Variants in CAMK1D observed in about 807,000 individuals in gnomAD.
CAMK1D encodes calcium/calmodulin dependent protein kinase ID, also known as calcium/calmodulin-dependent protein kinase type 1D.
A neutral mutation model predicts 47.7 loss-of-function variants in CAMK1D; 9 were observed. The observed-to-expected ratio is 0.19, with a 90% CI of 0.11 to 0.33. The LOEUF is 0.33. Among genes scored for constraint, CAMK1D ranks in the 10% least tolerant of loss-of-function variants. The probability of loss-of-function intolerance (pLI) is 1.00; values close to 1 mark genes in which losing one functional copy is unlikely to be tolerated. For synonymous variants in CAMK1D, 184 were observed against 184.9 expected (o/e 0.99, Z 0.04); for missense variants, 291 against 488.7 (o/e 0.60, Z 3.81).
chr10:12,561,807 A>G (rs1836952337), intron 2 of CAMK1D, among the ~76,000 whole-genome samples: 1 of 152,260 alleles, frequency 6.6e-6, no homozygotes, highest in African/African-American at 2.4e-5. Context: ...GAGATCCAGA[A>G]TCAATGCATT....
intron 1 of CAMK1D, among the ~76,000 whole-genome samples, chr10:12,381,267 C>T (rs370291344): frequency 1.3e-5 from 2 of 152,048 alleles, no homozygotes; most frequent in East Asian, 3.8e-4. Flanking sequence ...GTGATTGCTT[C>T]TGAATCCTGC....
At chr10:12,695,913 C>T (rs1448629578) in intron 3 of CAMK1D, among the ~76,000 whole-genome samples, 3 of 151,972 alleles carry the variant, frequency 2.0e-5, no homozygotes, top group African/African-American at 7.3e-5. Flanking sequence ...CCCGTCTCTA[C>T]TAAAAATACA....
intron 1 of CAMK1D, among the ~76,000 whole-genome samples, chr10:12,477,106 C>T (rs1056849885): frequency 6.6e-6 from 1 of 151,980 alleles, no homozygotes; most frequent in African/African-American, 2.4e-5. Context: ...TCAGAAAGAA[C>T]GCAGGTCACA....
At chr10:12,772,603 C>T (rs1346170883) in intron 5 of CAMK1D, among the ~76,000 whole-genome samples, 4 of 152,142 alleles carry the variant, frequency 2.6e-5, no homozygotes, top group Non-Finnish European at 5.9e-5. Context: ...CTGCCATCTG[C>T]GGGGTCTGAG....
At chr10:12,509,129 G>C (rs2132159611) in intron 1 of CAMK1D, among the ~76,000 whole-genome samples, 1 of 152,294 alleles carries the variant, frequency 6.6e-6, no homozygotes, top group Admixed American at 6.5e-5. Context: ...GAGGTCAGGG[G>C]GGAACCTTCC....
intron 2 of CAMK1D, among the ~76,000 whole-genome samples, chr10:12,559,513 G>T (rs908142568): frequency 3.9e-5 from 6 of 152,150 alleles, no homozygotes; most frequent in African/African-American, 1.2e-4. Context: ...TCCGTATGAT[G>T]ACTAGGAGTG....
chr10:12,819,373 G>T (rs746719368), intron 8 of CAMK1D, among the ~76,000 whole-genome samples: 1 of 152,216 alleles, frequency 6.6e-6, no homozygotes, highest in Non-Finnish European at 1.5e-5. Flanking sequence ...AGGAGAGGAC[G>T]CAGGAGACAG....
chr10:12,809,919 A>G (rs979583934), intron 6 of CAMK1D, among the ~76,000 whole-genome samples: 5 of 152,070 alleles, frequency 3.3e-5, no homozygotes, highest in African/African-American at 1.2e-4. Context: ...TGGGAGGCAG[A>G]GGCAGGTGGA....
At chr10:12,367,049 C>T (rs11257739) in intron 1 of CAMK1D, among the ~76,000 whole-genome samples, 5 of 152,154 alleles carry the variant, frequency 3.3e-5, no homozygotes, top group East Asian at 1.9e-4. Context: ...GAATCAGCAG[C>T]GGGACAGATC....
chr10:12,825,367 T>C (rs1371745668), intron 9 of CAMK1D, among the ~76,000 whole-genome samples: 18 of 152,112 alleles, frequency 1.2e-4, no homozygotes. Context: ...ATTTTAAGTC[T>C]CTAAAATATT....
chr10:12,746,519 G>A (rs1475302184), intron 3 of CAMK1D, among the ~76,000 whole-genome samples: 1 of 152,134 alleles, frequency 6.6e-6, no homozygotes, highest in African/African-American at 2.4e-5. Flanking sequence ...CCACATTACA[G>A]GAAAATGTTT....
chr10:12,370,871 G>C (rs190329946), intron 1 of CAMK1D, among the ~76,000 whole-genome samples: 1 of 152,124 alleles, frequency 6.6e-6, no homozygotes. Context: ...GCCTCCCAAA[G>C]TGCTGGGATT....
intron 1 of CAMK1D, among the ~76,000 whole-genome samples, chr10:12,527,291 G>A (rs1158621396): frequency 6.6e-6 from 1 of 151,504 alleles, no homozygotes; most frequent in Non-Finnish European, 1.5e-5. Context: ...CAGAAAAGGG[G>A]GATTTTTCTT....
chr10:12,500,548 A>G (rs1347995438), intron 1 of CAMK1D, among the ~76,000 whole-genome samples: 1 of 152,230 alleles, frequency 6.6e-6, no homozygotes, highest in Non-Finnish European at 1.5e-5. Flanking sequence ...CCAGAGATTG[A>G]GAATTCTACT....
chr10:12,750,865 A>G (rs947359565), intron 3 of CAMK1D, among the ~76,000 whole-genome samples: 3 of 152,174 alleles, frequency 2.0e-5, no homozygotes, highest in Admixed American at 2.0e-4. Flanking sequence ...AGCCTGGCCA[A>G]CTTGGCAAAA....
chr10:12,531,017 C>T (rs1835787921), intron 1 of CAMK1D, among the ~76,000 whole-genome samples: 2 of 150,242 alleles, frequency 1.3e-5, no homozygotes, highest in African/African-American at 2.5e-5. Context: ...AAGATTGTGC[C>T]ACTGCACTCT....
chr10:12,477,327 A>G (rs559327797), intron 1 of CAMK1D, among the ~76,000 whole-genome samples: 3 of 152,150 alleles, frequency 2.0e-5, no homozygotes, highest in African/African-American at 7.2e-5. Context: ...GAGGCAGGAG[A>G]ATGCTTGAAC....
intron 1 of CAMK1D, among the ~76,000 whole-genome samples, chr10:12,544,396 T>C (rs938566259): frequency 3.9e-5 from 6 of 152,246 alleles, no homozygotes; most frequent in African/African-American, 1.4e-4. Context: ...TGTATAAAAA[T>C]CTGCTGTCTC....
At chr10:12,808,171 A>G (rs1482790768) in intron 6 of CAMK1D, among the ~76,000 whole-genome samples, 1 of 152,174 alleles carries the variant, frequency 6.6e-6, no homozygotes, top group Non-Finnish European at 1.5e-5. Context: ...GGGCATAGGC[A>G]TCCACTTCCT....
Sources: gnomAD v4.1 joint callset for allele counts (sites outside exome capture counted in the v4.1 genomes callset) on GRCh38, gnomAD v4.1.1 for gene constraint, MANE v1.5 for transcripts, NCBI Gene and HGNC (gene_info 2026-07-23, HGNC 2026-07-21) for gene names.